The following DMD variants were observed in gnomAD, a reference collection of about 807,000 sequenced individuals.
DMD encodes the protein mutant dystrophin.
A neutral mutation model predicts 330.1 loss-of-function variants in DMD; 63 were observed. The ratio of observed to expected loss-of-function variants is 0.19; its 90% CI spans 0.16 to 0.24. The LOEUF (loss-of-function observed/expected upper bound fraction) is 0.24, where lower values mean the gene tolerates loss of function less well. Ranked by LOEUF, DMD falls within the 10% of genes least tolerant of loss-of-function variation. DMD has a pLI of 1.00. For missense variants in DMD, 3,344 were observed against 2,684.1 expected (o/e 1.25, Z -5.43); for synonymous variants, 1,223 against 959.8 (o/e 1.27, Z -5.07).
intron 7 of DMD, among the ~76,000 whole-genome samples, chrX:32,705,390 A>C (rs1569475112): frequency 8.9e-6 from 1 of 112,214 alleles, no homozygotes; most frequent in Non-Finnish European, 1.9e-5. Context: ...TAACGATAAA[A>C]AGTAATGGCC....
intron 7 of DMD, among the ~76,000 whole-genome samples, chrX:32,807,149 A>AAAAAAAAAAAAC (rs2077017552): frequency 1.0e-5 from 1 of 98,614 alleles, no homozygotes; most frequent in African/African-American, 4.0e-5. Flanking sequence ...AAAAAAAAAA[A>AAAAAAAAAAAAC]CATCAACAAA....
intron 63 of DMD, among the ~76,000 whole-genome samples, chrX:31,250,144 T>C (rs1160178719): frequency 9.0e-6 from 1 of 111,604 alleles, no homozygotes; most frequent in Non-Finnish European, 1.9e-5. Context: ...AATCAATTAG[T>C]TCCCCCACTG....
chrX:32,726,950 T>C (rs368817805), intron 7 of DMD, among the ~76,000 whole-genome samples: 12 of 110,425 alleles, frequency 1.1e-4, no homozygotes, highest in African/African-American at 3.9e-4. Context: ...GTGAGCCCAA[T>C]AATAAAGGCT....
intron 7 of DMD, among the ~76,000 whole-genome samples, chrX:32,731,635 C>T (rs1382148543): frequency 8.9e-6 from 1 of 112,164 alleles, no homozygotes; most frequent in Non-Finnish European, 1.9e-5. Context: ...CTGGGAGGCA[C>T]TCCCCAAAAG....
intron 1 of DMD, among the ~76,000 whole-genome samples, chrX:33,070,673 CTATATA>C (rs59422325): frequency 0.052 from 1,856 of 35,469 alleles, 57 homozygotes; most frequent in South Asian, 0.062. Flanking sequence ...CTCTCTCTCT[CTATATA>C]TATATATATA....
chrX:31,898,206 C>A (rs2149799165), intron 47 of DMD, among the ~76,000 whole-genome samples: 1 of 110,316 alleles, frequency 9.1e-6, no homozygotes, highest in Non-Finnish European at 1.9e-5. Flanking sequence ...AGGTAATTTA[C>A]AGATTCAATG....
At chrX:32,086,784 A>G (rs966990644) in intron 44 of DMD, among the ~76,000 whole-genome samples, 5 of 111,669 alleles carry the variant, frequency 4.5e-5, no homozygotes, top group Non-Finnish European at 9.4e-5. Flanking sequence ...TTTAATTCAC[A>G]GTACCAAAAA....
At chrX:31,992,711 A>ACTT (rs1235201061) in intron 44 of DMD, among the ~76,000 whole-genome samples, 3 of 111,185 alleles carry the variant, frequency 2.7e-5, no homozygotes, top group Non-Finnish European at 5.7e-5. Flanking sequence ...AGTCATATAT[A>ACTT]CTTTTGTAGA....
chrX:31,155,736 TTGGGAGG>T (rs1193077118), intron 74 of DMD, among the ~76,000 whole-genome samples: 4 of 111,018 alleles, frequency 3.6e-5, no homozygotes, highest in African/African-American at 1.3e-4. Context: ...TCCCAGCACT[TTGGGAGG>T]TTGAGGTGGG....
At chrX:31,473,722 A>T (rs2067507215) in intron 59 of DMD, among the ~76,000 whole-genome samples, 1 of 109,190 alleles carries the variant, frequency 9.2e-6, no homozygotes, top group African/African-American at 3.3e-5. Flanking sequence ...AAAAAAAAAA[A>T]AAAAAAGAAA....
At chrX:31,404,620 G>C (rs2061333216) in intron 60 of DMD, among the ~76,000 whole-genome samples, 1 of 111,797 alleles carries the variant, frequency 8.9e-6, no homozygotes. Context: ...TCAGAAAACA[G>C]GTTTAAAAAG....
At chrX:31,816,794 T>TCACTCACACACACA (rs2092638243) in intron 50 of DMD, among the ~76,000 whole-genome samples, 3 of 85,344 alleles carry the variant, frequency 3.5e-5, no homozygotes, top group African/African-American at 1.4e-4. Context: ...CAAGATTCTG[T>TCACTCACACACACA]CACACACACA....
intron 48 of DMD, among the ~76,000 whole-genome samples, chrX:31,847,394 A>C (rs1199439107): frequency 3.6e-5 from 4 of 111,689 alleles, no homozygotes; most frequent in South Asian, 7.4e-4. Context: ...GACCATTTTG[A>C]AGATAAATTT....
At chrX:32,565,494 G>C (rs1389164786) in intron 16 of DMD, among the ~76,000 whole-genome samples, 1 of 111,169 alleles carries the variant, frequency 9.0e-6, no homozygotes, top group Non-Finnish European at 1.9e-5. Flanking sequence ...ATTCACTCTA[G>C]GGCAGTAACA....
chrX:32,220,727 T>C (rs17309254), intron 43 of DMD, among the ~76,000 whole-genome samples: 10,616 of 110,827 alleles, frequency 0.096, 530 homozygotes, highest in Admixed American at 0.15. Context: ...CCTAAATTTG[T>C]CTCGCTCCAT....
At chrX:31,303,225 T>A (rs1390890415) in intron 62 of DMD, among the ~76,000 whole-genome samples, 1 of 111,665 alleles carries the variant, frequency 9.0e-6, no homozygotes, top group Non-Finnish European at 1.9e-5. Context: ...AGCATCAGAA[T>A]CTCATTCACA....
chrX:32,085,243 T>C (rs1008852722), intron 44 of DMD, among the ~76,000 whole-genome samples: 4 of 111,146 alleles, frequency 3.6e-5, no homozygotes, highest in Non-Finnish European at 5.7e-5. Flanking sequence ...CACATATGTA[T>C]ATGCATATGT....
chrX:31,539,257 G>C (rs1413243912), intron 55 of DMD, among the ~76,000 whole-genome samples: 1 of 111,434 alleles, frequency 9.0e-6, no homozygotes, highest in Admixed American at 9.6e-5. Flanking sequence ...CCTTGTTCCA[G>C]TTAATCTATT....
chrX:32,397,842 C>G (rs2098056415), intron 30 of DMD, among the ~76,000 whole-genome samples: 1 of 110,948 alleles, frequency 9.0e-6, no homozygotes, highest in African/African-American at 3.3e-5. Context: ...AAGTACTTAA[C>G]AGAATGAAGA....
Sources: gnomAD v4.1 joint callset for allele counts (sites outside exome capture counted in the v4.1 genomes callset) on GRCh38, gnomAD v4.1.1 for gene constraint, MANE v1.5 for transcripts, NCBI Gene and HGNC (gene_info 2026-07-23, HGNC 2026-07-21) for gene names.